ATP10D: variants seen among roughly 807,000 people sequenced by gnomAD.
ATP10D encodes phospholipid-transporting ATPase VD.
A neutral mutation model predicts 144.8 loss-of-function variants in ATP10D; 89 were observed. The ratio of observed to expected loss-of-function variants is 0.61; its 90% CI spans 0.52 to 0.73. The LOEUF (loss-of-function observed/expected upper bound fraction) is 0.73. Ranked by LOEUF, ATP10D falls within the 30% of genes least tolerant of loss-of-function variation. ATP10D has a pLI of 0.00. For missense variants in ATP10D, 1,603 were observed against 1,714.8 expected (o/e 0.93, Z 1.15); for synonymous variants, 571 against 615.1 (o/e 0.93, Z 1.06).
chr4:47,520,377 A>G (rs975221935), intron 3 of ATP10D, among the ~76,000 whole-genome samples: 1 of 151,642 alleles, frequency 6.6e-6, no homozygotes, highest in Non-Finnish European at 1.5e-5. Context: ...TTCAACCAGC[A>G]TCTCCTCTCC....
chr4:47,566,866 A>C (rs1719664645), intron 15 of ATP10D, among the ~76,000 whole-genome samples: 1 of 152,196 alleles, frequency 6.6e-6, no homozygotes, highest in African/African-American at 2.4e-5. Flanking sequence ...TTGCCAACAG[A>C]CTGTAACTTA....
intron 1 of ATP10D, among the ~76,000 whole-genome samples, chr4:47,490,619 G>A (rs1206890284): frequency 6.6e-6 from 1 of 152,222 alleles, no homozygotes; most frequent in East Asian, 1.9e-4. Flanking sequence ...GGAATATGTG[G>A]ATATGTAGTA....
Position 47,539,969 on chromosome 4 carries a change from T to C in ATP10D, c.1396+3031T>C, listed in dbSNP as rs576685156. Among the ~76,000 whole-genome samples the C allele has an allele frequency of 2.0e-5, 3 of 152,338 alleles. No homozygotes were observed. The South Asian group carries it at 6.2e-4, about 32-fold the overall frequency. The stretch of plus-strand genomic sequence containing the variant: ...GAATCAAATGCTATCCTGACTGAAC[T>C]GTAATTGATAAGCTACCTGTTTGGG... On this transcript the variant is annotated intron_variant, in intron 9 of 22. Transcript: ENST00000273859.
In ATP10D at chr4:47,485,409, G is replaced by T. The variant is rs1714692187; in HGVS notation, c.-148G>T. The T allele has an allele frequency of 6.6e-6, 1 of 152,086 alleles. No individual in the cohort carries two copies. The highest frequency in any genetic ancestry group is 6.5e-5 in the Admixed American group (1 of 15,268). The allele number at this position is 152,086 out of a possible 1,614,324, so 9.4% of individuals were successfully genotyped here. ...TTTTTTTTTTCCCGGAAGGCAAATGGCTGGCGTGGAAGCACAACCCGCTTT... is the reference window on the plus strand; with the variant it reads ...TTTTTTTTTTCCCGGAAGGCAAATGTCTGGCGTGGAAGCACAACCCGCTTT... On this transcript the variant is annotated 5_prime_UTR_variant, in exon 1 of 23. Coordinates refer to ENST00000273859, the MANE Select transcript of ATP10D (RefSeq NM_020453.4).
intron 1 of ATP10D, among the ~76,000 whole-genome samples, chr4:47,493,889 G>C (rs879517051): frequency 6.6e-6 from 1 of 152,168 alleles, no homozygotes; most frequent in African/African-American, 2.4e-5. Context: ...CCACAGGCTT[G>C]GAGTAAGATC....
At position 47,554,919 on chromosome 4, in the gene ATP10D, G is replaced by GT; in HGVS notation, c.1824+6dup. ...CCTAACCAACCCCGACAAAAGGTGA[G>GT]TAAGTTCTCTAATGCAAACAAGGGT... On this transcript the variant is annotated splice_donor_region_variant and intron_variant, in intron 11 of 22. Transcript: ENST00000273859. 6.8e-6 allele frequency: 11 copies of GT among 1,612,864 alleles called. No individual in the cohort carries two copies. The highest frequency in any genetic ancestry group is 9.3e-6 in the Non-Finnish European group (11 of 1,179,092).
intron 4 of ATP10D, among the ~76,000 whole-genome samples, 199 bp downstream of exon 4, chr4:47,523,415 T>C (rs1001692891): frequency 1.3e-5 from 2 of 152,222 alleles, no homozygotes; most frequent in African/African-American, 4.8e-5. Context: ...GACTTCAGAA[T>C]TTACACACTT....
chr4:47,520,334 T>A (rs373144005), intron 3 of ATP10D, among the ~76,000 whole-genome samples: 1 of 152,154 alleles, frequency 6.6e-6, no homozygotes, highest in Non-Finnish European at 1.5e-5. Context: ...TCCATCTGTA[T>A]TTTTCATCTC....
intron 21 of ATP10D, 142 bp from the exon 22 acceptor site, chr4:47,586,877 C>T: frequency 1.5e-6 from 1 of 672,712 alleles, no homozygotes; most frequent in South Asian, 1.9e-5. Context: ...TCCTTGATAT[C>T]TTATATTTTG....
chr4:47,546,906 A>T (rs1038350743), intron 10 of ATP10D, 44 bp downstream of exon 10: 1 of 1,534,904 alleles, frequency 6.5e-7, no homozygotes, highest in Non-Finnish European at 9.0e-7. Flanking sequence ...TCCACAATGT[A>T]TGATGAGAGA....
intron 3 of ATP10D, among the ~76,000 whole-genome samples, chr4:47,518,080 G>A (rs1310881381): frequency 1.3e-5 from 2 of 152,094 alleles, no homozygotes; most frequent in Non-Finnish European, 2.9e-5. Flanking sequence ...ACCATGCCTT[G>A]TTGATTTAAA....
chr4:47,581,894 T>C, intron 20 of ATP10D, 66 bp from the exon 21 acceptor site: 1 of 1,278,706 alleles, frequency 7.8e-7, no homozygotes, highest in East Asian at 2.3e-5. Flanking sequence ...GAGCTGTAGA[T>C]AAAGTGATGT....
chr4:47,558,396 AG>A, intron 12 of ATP10D, 123 bp downstream of exon 12: 2 of 1,333,260 alleles, frequency 1.5e-6, no homozygotes, highest in East Asian at 4.7e-5. Context: ...TTGGTGAAGT[AG>A]GGGGAAGCTG....
intron 16 of ATP10D, 24 bp from the exon 17 acceptor site, chr4:47,572,130 C>T (rs1159546200): frequency 8.1e-6 from 13 of 1,611,094 alleles, no homozygotes; most frequent in Non-Finnish European, 8.5e-7. Flanking sequence ...ATATGTTTCT[C>T]TCCTTTTTTT....
At chr4:47,577,536 T>TA (rs1223312210) in intron 19 of ATP10D, among the ~76,000 whole-genome samples, 1 of 141,118 alleles carries the variant, frequency 7.1e-6, no homozygotes, top group African/African-American at 2.6e-5. Context: ...TTAAGGAAGA[T>TA]AATACGGTAC....
intron 3 of ATP10D, among the ~76,000 whole-genome samples, chr4:47,516,170 C>T (rs914953868): frequency 1.3e-5 from 2 of 151,298 alleles, no homozygotes; most frequent in Non-Finnish European, 2.9e-5. Context: ...GGGGAGGTTG[C>T]AGTGAGCCGA....
intron 9 of ATP10D, among the ~76,000 whole-genome samples, chr4:47,537,925 A>G (rs952349071): frequency 2.6e-5 from 4 of 152,326 alleles, no homozygotes; most frequent in Non-Finnish European, 4.4e-5. Context: ...TAGATAAACA[A>G]GATTAAAATT....
Position 47,593,384 on chromosome 4 carries a change from C to A in ATP10D, c.*2003C>A, listed in dbSNP as rs1182587998. 1 of 152,050 alleles carries A rather than the reference C, an allele frequency of 6.6e-6. No homozygotes were observed. The highest frequency in any genetic ancestry group is 1.9e-4 in the East Asian group (1 of 5,206). 9.4% of individuals were successfully genotyped at this position (152,050 alleles called of 1,614,324 possible). ...TTTGCTTAATGTAATCATTCATATA[C>A]TTTGCTACAAAAATATTAATATATT... On this transcript the variant is annotated 3_prime_UTR_variant, in exon 23 of 23. Coordinates refer to ENST00000273859, the MANE Select transcript of ATP10D (RefSeq NM_020453.4).
Position 47,576,980 on chromosome 4 carries a change from G to A in ATP10D, c.3567+7G>A. ...AAGTGGTCAGAAATCAGAGGTAGGT[G>A]TTAAAGCAAGAGTGCTTGGATGGAT... On this transcript the variant is annotated splice_region_variant and intron_variant, in intron 19 of 22. Coordinates refer to ENST00000273859, the MANE Select transcript of ATP10D (RefSeq NM_020453.4). The A allele has an allele frequency of 6.2e-7, 1 of 1,613,754 alleles. No individual in the cohort carries two copies.
Sources: gnomAD v4.1 joint callset for allele counts (sites outside exome capture counted in the v4.1 genomes callset) on GRCh38, gnomAD v4.1.1 for gene constraint, MANE v1.5 for transcripts, NCBI Gene and HGNC (gene_info 2026-07-23, HGNC 2026-07-21) for gene names.